The following PCDH11X variants were observed in gnomAD, a reference collection of about 807,000 sequenced individuals.
The protein encoded by PCDH11X is protocadherin-11 X-linked.
In PCDH11X, 18 loss-of-function variants were observed where a neutral mutation model predicts 53.3. The observed-to-expected ratio is 0.34, with a 90% confidence interval of 0.23 to 0.50. The LOEUF is 0.50. Ranked by LOEUF, PCDH11X falls within the 20% of genes least tolerant of loss-of-function variation. The pLI is 0.98. For missense variants in PCDH11X, 570 were observed against 1,032.4 expected (o/e 0.55, Z 6.14); for synonymous variants, 279 against 393.3 (o/e 0.71, Z 3.44).
chrX:91,871,422 A>G (rs1186684761), intron 5 of PCDH11X, among the ~76,000 whole-genome samples: 2 of 104,797 alleles, frequency 1.9e-5, no homozygotes, highest in Admixed American at 1.0e-4. Flanking sequence ...TCCTCGATCT[A>G]AAGAGTAAAT....
intron 8 of PCDH11X, among the ~76,000 whole-genome samples, chrX:92,301,027 T>C (rs2068710357): frequency 1.8e-5 from 2 of 110,546 alleles, no homozygotes; most frequent in Admixed American, 9.6e-5. Flanking sequence ...CTTGCCTATG[T>C]GTGTGCCAGC....
intron 6 of PCDH11X, among the ~76,000 whole-genome samples, chrX:91,887,937 C>G (rs1259494485): frequency 9.0e-6 from 1 of 111,538 alleles, no homozygotes; most frequent in African/African-American, 3.2e-5. Flanking sequence ...GATGAAAAAG[C>G]TTTTATACTT....
At chrX:92,221,671 C>G (rs1018770768) in intron 7 of PCDH11X, among the ~76,000 whole-genome samples, 2 of 111,416 alleles carry the variant, frequency 1.8e-5, no homozygotes, top group South Asian at 7.5e-4. Flanking sequence ...TCTGTAGTAG[C>G]AAATATTAGT....
intron 5 of PCDH11X, among the ~76,000 whole-genome samples, chrX:91,867,201 C>T (rs1939037979): frequency 9.0e-6 from 1 of 111,490 alleles, no homozygotes; most frequent in Admixed American, 9.6e-5. Context: ...GTGTTATATT[C>T]ACTGCACTTG....
intron 6 of PCDH11X, among the ~76,000 whole-genome samples, chrX:92,097,107 G>T (rs1182210973): frequency 3.6e-5 from 4 of 111,057 alleles, no homozygotes; most frequent in Admixed American, 2.9e-4. Context: ...TCTCCTCTAA[G>T]ATTAGAAAGC....
intron 9 of PCDH11X, among the ~76,000 whole-genome samples, chrX:92,397,746 T>A (rs1890605827): frequency 9.0e-6 from 1 of 110,571 alleles, no homozygotes; most frequent in African/African-American, 3.3e-5. Flanking sequence ...ACCAAAGGCA[T>A]TCTCAGTTGT....
chrX:92,520,489 T>TTC (rs2074353588), intron 10 of PCDH11X, among the ~76,000 whole-genome samples: 1 of 105,357 alleles, frequency 9.5e-6, no homozygotes, highest in Non-Finnish European at 2.0e-5. Flanking sequence ...TTTTTTTTTT[T>TTC]TTTTTGTAGA....
At chrX:92,350,162 G>A (rs2070009132) in intron 8 of PCDH11X, among the ~76,000 whole-genome samples, 1 of 109,155 alleles carries the variant, frequency 9.2e-6, no homozygotes, top group South Asian at 4.0e-4. Flanking sequence ...TCCTTAAATT[G>A]GACCTCACCT....
chrX:92,091,707 T>A (rs2064051082), intron 6 of PCDH11X, among the ~76,000 whole-genome samples: 2 of 111,825 alleles, frequency 1.8e-5, no homozygotes, highest in South Asian at 7.5e-4. Context: ...GCTGAGTTTA[T>A]CTGAAGGCCT....
At chrX:92,356,088 G>C (rs767796956) in intron 8 of PCDH11X, among the ~76,000 whole-genome samples, 1 of 111,714 alleles carries the variant, frequency 9.0e-6, no homozygotes, top group South Asian at 3.8e-4. Context: ...ATTCCCCAGA[G>C]GGAATCCTAG....
chrX:92,494,142 T>C (rs1345031110), intron 10 of PCDH11X, among the ~76,000 whole-genome samples: 1 of 110,482 alleles, frequency 9.1e-6, no homozygotes, highest in Non-Finnish European at 1.9e-5. Context: ...TAAGAGATCC[T>C]CACCCTGAAC....
At chrX:92,605,401 G>A (rs1926679251) in intron 10 of PCDH11X, among the ~76,000 whole-genome samples, 2 of 111,387 alleles carry the variant, frequency 1.8e-5, no homozygotes, top group Non-Finnish European at 3.8e-5. Flanking sequence ...TCAGAAGCAA[G>A]ACATAGGATG....
rs764997941 is a variant in PCDH11X at position 92,120,155 on chromosome X, CTTTTTTTTTTTTTTT to C, written c.3034-81211_3034-81197del. On this transcript the variant is annotated intron_variant, in intron 6 of 10. Transcript: ENST00000682573. Reference sequence around the variant, plus strand: ...TGGCACCATTTTCTAACTTTTCTTTCTTTTTTTTTTTTTTTTTTTTTTTGAGACAGAGTCTCTCTC... The same window carrying C: ...TGGCACCATTTTCTAACTTTTCTTTCTTTTTTTTGAGACAGAGTCTCTCTC... Among the ~76,000 whole-genome samples the C allele has an allele frequency of 2.0e-3, 122 of 60,702 alleles. 1 individual carries two copies. The highest frequency in any genetic ancestry group is 3.5e-3 in the Non-Finnish European group (107 of 30,606). 52.7% of individuals were successfully genotyped at this position (60,702 alleles called of 115,157 possible).
At chrX:92,258,441 C>T (rs1377666489) in intron 7 of PCDH11X, among the ~76,000 whole-genome samples, 4 of 106,150 alleles carry the variant, frequency 3.8e-5, no homozygotes, top group East Asian at 5.9e-4. Context: ...GATCTCGGCT[C>T]GCTGCATGCT....
chrX:91,975,282 C>T (rs1190082009), intron 6 of PCDH11X, among the ~76,000 whole-genome samples: 1 of 111,899 alleles, frequency 8.9e-6, no homozygotes, highest in South Asian at 3.7e-4. Flanking sequence ...ATAGAGATGT[C>T]AAGATGACAC....
intron 7 of PCDH11X, among the ~76,000 whole-genome samples, chrX:92,221,257 A>T (rs1289578348): frequency 1.6e-3 from 15 of 9,198 alleles, no homozygotes; most frequent in Non-Finnish European, 3.0e-3. Context: ...TTTTTTTTTT[A>T]AAAAAGAAAA....
intron 6 of PCDH11X, among the ~76,000 whole-genome samples, chrX:92,073,756 G>A (rs1442470681): frequency 1.8e-5 from 2 of 111,887 alleles, no homozygotes; most frequent in Admixed American, 1.9e-4. Context: ...CTTTAATGAT[G>A]AGACAGTTAA....
intron 10 of PCDH11X, among the ~76,000 whole-genome samples, chrX:92,597,642 A>G (rs1056390253): frequency 6.3e-5 from 7 of 111,707 alleles, no homozygotes; most frequent in Non-Finnish European, 1.3e-4. Flanking sequence ...CTATCAAAAT[A>G]CCAATGGCAT....
rs140191327 is a variant in PCDH11X, at chrX:92,150,004, A to G, written c.3034-51371A>G. 2.6e-3 allele frequency among the ~76,000 whole-genome samples: 295 copies of G among 111,966 alleles called. 1 individual carries two copies. Among genetic ancestry groups the G allele is most frequent in the African/African-American group, 8.8e-3 (271 of 30,868 alleles). ...AGTTCATTTATTCATTCATCCATTG[A>G]TAGGCATTTGTGTTGTTTCCTTTTT... On this transcript the variant is annotated intron_variant, in intron 6 of 10. Coordinates refer to ENST00000682573, the MANE Select transcript of PCDH11X (RefSeq NM_032968.5).
Sources: allele counts gnomAD v4.1 joint callset (sites outside exome capture counted in the v4.1 genomes callset), GRCh38; gene constraint gnomAD v4.1.1; transcripts MANE v1.5; gene names NCBI Gene and HGNC (gene_info 2026-07-23, HGNC 2026-07-21).